The following SSUH2 variants were observed in gnomAD, a reference collection of about 807,000 sequenced individuals.
The protein encoded by SSUH2 is ssu-2 homolog.
A neutral mutation model predicts 55.3 loss-of-function variants in SSUH2; 47 were observed. The observed-to-expected ratio is 0.85, with a 90% confidence interval of 0.67 to 1.08. The LOEUF is 1.08. Among genes scored for constraint, SSUH2 ranks in the 50% least tolerant of loss-of-function variants. The pLI is 0.00. For missense variants in SSUH2, 535 were observed against 490.7 expected (o/e 1.09, Z -0.85); for synonymous variants, 212 against 191.5 (o/e 1.11, Z -0.89).
chr3:8,630,951 G>T (rs375130586), intron 5 of SSUH2, 22 bp from the exon 6 acceptor site: 1 of 1,360,300 alleles, frequency 7.4e-7, no homozygotes, highest in Non-Finnish European at 9.6e-7. Context: ...AGGGGTCATT[G>T]TAAGAATGAC....
intron 1 of SSUH2, among the ~76,000 whole-genome samples, chr3:8,641,958 C>T (rs1048074415): frequency 6.6e-6 from 1 of 152,122 alleles, no homozygotes; most frequent in Non-Finnish European, 1.5e-5. Flanking sequence ...GTGGTGATGG[C>T]GATGTGGCCC....
Position 8,623,413 on chromosome 3 carries a change from C to A in SSUH2, c.981+136G>T. 4.6e-6 allele frequency: 3 copies of A among 656,328 alleles called. No individual in the cohort carries two copies. In the South Asian group the frequency reaches 5.2e-5, roughly 11 times the overall value. 40.7% of individuals were successfully genotyped at this position (656,328 alleles called of 1,614,324 possible). A position where few individuals can be genotyped will look rare whatever the true frequency, so the allele number is the denominator to read the frequency against. ...CCCTGGGGCCTTAGGTCAGGCCCTA[C>A]CCCTTCCCACACTCCTCCCCCGGGA... On this transcript the variant is annotated intron_variant, in intron 11 of 11. Transcript: ENST00000544814.
In SSUH2 at chr3:8,633,766, C is replaced by T. The variant is rs142217483; in HGVS notation, c.239G>A (p.Arg80Gln). Residue 80 changes from arginine to glutamine, a missense_variant, in exon 4 of 12, where the codon CGG becomes CAG. Arg to Gln is a conservative substitution (Grantham distance 43, BLOSUM62 1). Coordinates refer to ENST00000544814, the MANE Select transcript of SSUH2 (RefSeq NM_001256748.3). Reference sequence around the variant, plus strand: ...GTCCACAAAGCTGAGGAGGGCTTCCCGGGCCACCTCCTCCGTCATCGCAGG... The same window carrying T: ...GTCCACAAAGCTGAGGAGGGCTTCCTGGGCCACCTCCTCCGTCATCGCAGG... ...RVPAMTEEVAREALLSFVDSK... is the reference protein window; with the variant it reads ...RVPAMTEEVAQEALLSFVDSK... 1.0e-4 allele frequency: 169 copies of T among 1,611,236 alleles called. 1 individual carries two copies. The highest frequency in any genetic ancestry group is 1.7e-4 in the Middle Eastern group (1 of 6,048).
rs1306068621 is a variant in SSUH2 at position 8,663,743 on chromosome 3, C to A, written c.-396+1G>T. ...ACACACTGGTCCATAGACGCTCTTA[C>A]CTTAACAAGGATTTCCCAACAACTG... On this transcript the variant is annotated splice_donor_variant, in intron 6 of 18. Transcript: ENST00000317371. LOFTEE classifies it low-confidence loss of function (5UTR_SPLICE). 2 of 454,492 alleles carry A rather than the reference C, an allele frequency of 4.4e-6. No homozygotes were observed. Among genetic ancestry groups the A allele is most frequent in the East Asian group, 7.0e-5 (1 of 14,350 alleles). The allele number at this position is 454,492 out of a possible 1,614,324, so 28.2% of individuals were successfully genotyped here.
In SSUH2 at chr3:8,641,285, G is replaced by A. The variant is rs575090803; in HGVS notation, c.28+3446C>T. Among the ~76,000 whole-genome samples, 12 of 152,302 alleles carry A rather than the reference G, an allele frequency of 7.9e-5. No individual in the cohort carries two copies. The East Asian group carries it at 1.9e-3, about 24-fold the overall frequency. On this transcript the variant is annotated intron_variant, in intron 1 of 11. Transcript: ENST00000544814. ...CCCACCAGACTTGGAGTACCCCAAA[G>A]GTAGATCAATGTTTTATTCATCCTC...
chr3:8,675,030 G>A (rs186456016), intron 3 of SSUH2, among the ~76,000 whole-genome samples: 33 of 152,202 alleles, frequency 2.2e-4, no homozygotes, highest in Admixed American at 1.7e-3. Flanking sequence ...AGTCGCCATG[G>A]AACACTCCCC....
At chr3:8,676,999 C>A (rs71312402) in intron 3 of SSUH2, among the ~76,000 whole-genome samples, 10,554 of 147,850 alleles carry the variant, frequency 0.071, 653 homozygotes, top group Non-Finnish European at 0.1. Context: ...CTCTTCCCCC[C>A]CTGGCTCTTG....
chr3:8,670,229 C>T (rs776537643), intron 5 of SSUH2, among the ~76,000 whole-genome samples: 2 of 152,054 alleles, frequency 1.3e-5, no homozygotes, highest in East Asian at 1.9e-4. Context: ...GGTCATGTGG[C>T]GGAGAGGGGT....
chr3:8,658,061 G>A (rs1333578793), intron 7 of SSUH2, among the ~76,000 whole-genome samples: 2 of 152,240 alleles, frequency 1.3e-5, no homozygotes, highest in Non-Finnish European at 2.9e-5. Flanking sequence ...GAATGGGCCT[G>A]GGGTCAAACT....
intron 3 of SSUH2, among the ~76,000 whole-genome samples, chr3:8,676,904 G>C (rs1489300186): frequency 1.4e-5 from 2 of 144,204 alleles, no homozygotes; most frequent in African/African-American, 5.2e-5. Context: ...CAGAGAGCCA[G>C]CCCCTCTTTC....
In SSUH2 at chr3:8,629,587, C is replaced by A. The variant is rs1698330017; in HGVS notation, c.588+77G>T. On this transcript the variant is annotated intron_variant, in intron 7 of 11. Transcript: ENST00000544814. Reference sequence around the variant, plus strand: ...GTTACTGCAGGGAGCCTCAGGCCACCAGCCCAGCCCGCTGTCCCCAGGATC... The same window carrying A: ...GTTACTGCAGGGAGCCTCAGGCCACAAGCCCAGCCCGCTGTCCCCAGGATC... The A allele has an allele frequency of 4.3e-6, 6 of 1,392,144 alleles. No homozygotes were observed. In the East Asian group the frequency reaches 9.3e-5, roughly 22 times the overall value. The allele number at this position is 1,392,144 out of a possible 1,614,324, so 86.2% of individuals were successfully genotyped here.
intron 11 of SSUH2, among the ~76,000 whole-genome samples, chr3:8,623,070 G>A (rs73141753): frequency 0.093 from 14,117 of 152,212 alleles, 2,162 homozygotes; most frequent in African/African-American, 0.32. Context: ...CTGCTCCTGG[G>A]GATGTAGCAG....
intron 5 of SSUH2, among the ~76,000 whole-genome samples, chr3:8,631,447 C>A (rs1415931534): frequency 1.3e-5 from 2 of 152,150 alleles, no homozygotes; most frequent in Non-Finnish European, 2.9e-5. Flanking sequence ...ATGCTTTGGA[C>A]AAGAGTTGCA....
intron 5 of SSUH2, among the ~76,000 whole-genome samples, chr3:8,668,581 A>G (rs902008566): frequency 2.0e-5 from 3 of 152,220 alleles, no homozygotes; most frequent in Non-Finnish European, 2.9e-5. Context: ...TCCAGGGCTT[A>G]GGAACAGTTT....
In SSUH2 at chr3:8,636,596, A is replaced by G. The variant is rs144227646; in HGVS notation, c.29-739T>C. Among the ~76,000 whole-genome samples the G allele has an allele frequency of 5.2e-3, 796 of 152,104 alleles. 13 individuals carry two copies. Among genetic ancestry groups the G allele is most frequent in the African/African-American group, 0.018 (761 of 41,468 alleles). ...GTTATGCAGCTTCCTCCAGTGGACAATCTTTGCTCTGGGATTCCCAGCAGA... is the reference window on the plus strand; with the variant it reads ...GTTATGCAGCTTCCTCCAGTGGACAGTCTTTGCTCTGGGATTCCCAGCAGA... On this transcript the variant is annotated intron_variant, in intron 1 of 11. Transcript: ENST00000544814.
chr3:8,633,142 CTT>C lies in SSUH2; in HGVS notation c.339+522_339+523del, dbSNP rs139752594. On this transcript the variant is annotated intron_variant, in intron 4 of 11. Transcript: ENST00000544814. ...GCCTGTCAGTGGTGTTTGATGACGC[CTT>C]TTTTTTTTTTTTTTTTGAGTTGGAG... is the stretch of plus-strand genomic sequence containing the variant. Among the ~76,000 whole-genome samples the C allele has an allele frequency of 7.7e-3, 920 of 119,810 alleles. 7 individuals are homozygous for C. The highest frequency in any genetic ancestry group is 0.022 in the African/African-American group (711 of 31,946). The allele number at this position is 119,810 out of a possible 152,430, so 78.6% of individuals were successfully genotyped here. A position where few individuals can be genotyped will look rare whatever the true frequency, so the allele number is the denominator to read the frequency against.
At chr3:8,621,928 C>G (rs368093560) in intron 11 of SSUH2, among the ~76,000 whole-genome samples, 27 of 152,058 alleles carry the variant, frequency 1.8e-4, no homozygotes, top group African/African-American at 6.3e-4. Context: ...CCAGCCCCCC[C>G]ACAACCCCCG....
chr3:8,626,196 C>T (rs368098150), intron 9 of SSUH2, 33 bp downstream of exon 9: 43 of 1,576,908 alleles, frequency 2.7e-5, no homozygotes, highest in African/African-American at 2.4e-4. Context: ...CAGCCACCCC[C>T]GCATGCCACA....
chr3:8,629,639 C>CACCAGTGGTTCACAGATGACTG, intron 7 of SSUH2, 25 bp downstream of exon 7: 1 of 1,613,694 alleles, frequency 6.2e-7, no homozygotes, highest in Non-Finnish European at 8.5e-7. Context: ...CTCACTGACT[C>CACCAGTGGTTCACAGATGACTG]ACCAGTGGTT....
Sources: gnomAD v4.1 joint callset for allele counts (sites outside exome capture counted in the v4.1 genomes callset) on GRCh38, gnomAD v4.1.1 for gene constraint, MANE v1.5 for transcripts, NCBI Gene and HGNC (gene_info 2026-07-23, HGNC 2026-07-21) for gene names.